Variants in LYST observed in about 807,000 individuals in gnomAD.
LYST encodes lysosomal trafficking regulator, also known as lysosomal-trafficking regulator.
Under a neutral mutation model 413.6 loss-of-function variants are expected in LYST, and 192 were observed. That is an observed-to-expected ratio of 0.46 (90% confidence interval 0.41 to 0.52). LYST has a LOEUF of 0.52. Ranked by LOEUF, LYST falls within the 20% of genes least tolerant of loss-of-function variation. The pLI is 0.00. For missense variants in LYST, 3,815 were observed against 4,499.9 expected, an observed-to-expected ratio of 0.85 and a Z score of 4.35; for synonymous variants, 1,525 against 1,567.3, an observed-to-expected ratio of 0.97 and a Z score of 0.64.
chr1:235,668,398 A>G (rs141437139), intron 50 of LYST, among the ~76,000 whole-genome samples: 55 of 152,270 alleles, frequency 3.6e-4, no homozygotes, highest in African/African-American at 1.3e-3. Flanking sequence ...TATGTTCCCT[A>G]TATACCAAGT....
At chr1:235,873,225 A>AAAG (rs1681013155) in intron 1 of LYST, among the ~76,000 whole-genome samples, 1 of 152,194 alleles carries the variant, frequency 6.6e-6, no homozygotes. Context: ...CAACCAACTA[A>AAAG]AAGTGTTAAA....
At position 235,762,757 on chromosome 1, in the gene LYST, T is replaced by C. The variant is rs371248013; in HGVS notation, c.6216A>G (p.Val2072=). The change falls in exon 22 of 53, where the codon GTA becomes GTG. Residue 2072 remains valine (V), a synonymous_variant. Transcript: ENST00000389793. The stretch of plus-strand genomic sequence containing the variant: ...AAGCAGTAAAACCAGATGGGCTTAT[T>C]ACCATAAATCCAGGGCTCATAAGGG... ...GRSLMSPGFM[V]ISPSGFTASP... is the part of the protein sequence containing the mutation. 1,513 of 1,613,332 alleles carry C rather than the reference T, an allele frequency of 9.4e-4. 17 individuals are homozygous for C. The South Asian group carries it at 0.016, about 17-fold the overall frequency.
chr1:235,751,973 C>A (rs1486387687), intron 27 of LYST, 32 bp downstream of exon 27: 1 of 1,515,016 alleles, frequency 6.6e-7, no homozygotes, highest in Non-Finnish European at 9.1e-7. Context: ...TTATACAACT[C>A]CCTCCCCAAA....
rs1558261064 is a variant in LYST, at chr1:235,798,576, C to CTTAAAAAAAAAAAAAAAAAAA, written c.4006+1743_4006+1744insTTTTTTTTTTTTTTTTTTTAA. The stretch of plus-strand genomic sequence containing the variant: ...CTTGGCGACAAGGGCAAAACCCTGT[C>CTTAAAAAAAAAAAAAAAAAAA]ATAAAAAAAAAAAAAAAAAAAAAAA... On this transcript the variant is annotated intron_variant, in intron 10 of 52. Transcript: ENST00000389793. 2.4e-4 allele frequency among the ~76,000 whole-genome samples: 6 copies of CTTAAAAAAAAAAAAAAAAAAA among 24,528 alleles called. 1 individual carries two copies. The highest frequency in any genetic ancestry group is 8.2e-4 in the African/African-American group (6 of 7,312). The allele number at this position is 24,528 out of a possible 152,430, so 16.1% of individuals were successfully genotyped here. A position where few individuals can be genotyped will look rare whatever the true frequency, so the allele number is the denominator to read the frequency against.
chr1:235,755,761 C>T (rs1273852113), intron 24 of LYST, 114 bp from the exon 25 acceptor site: 1 of 623,050 alleles, frequency 1.6e-6, no homozygotes, highest in Admixed American at 3.0e-5. Context: ...CAGAAGAACA[C>T]AGAAAGCTTA....
At chr1:235,805,347 G>A (rs1457890912) in intron 6 of LYST, among the ~76,000 whole-genome samples, 1 of 152,090 alleles carries the variant, frequency 6.6e-6, no homozygotes, top group African/African-American at 2.4e-5. Context: ...CATTAGCTAT[G>A]AGCATCCTTC....
intron 50 of LYST, among the ~76,000 whole-genome samples, chr1:235,665,420 G>C (rs6691027): frequency 0.055 from 8,316 of 151,870 alleles, 783 homozygotes; most frequent in African/African-American, 0.19. Context: ...GACCAGCCTA[G>C]TTAACATGGT....
At chr1:235,712,771 T>C in intron 42 of LYST, 1 of 985,272 alleles carries the variant, frequency 1.0e-6, no homozygotes. Context: ...AAATTTCCTG[T>C]GAATGAAAAT....
chr1:235,757,128 T>A (rs1201483202), intron 24 of LYST, among the ~76,000 whole-genome samples, 153 bp downstream of exon 24: 1 of 152,074 alleles, frequency 6.6e-6, no homozygotes, highest in Non-Finnish European at 1.5e-5. Context: ...AGTTTAAAAA[T>A]ATATGAGTAT....
At position 235,762,797 on chromosome 1, in the gene LYST, C is replaced by A. The variant is rs549373796; in HGVS notation, c.6176G>T (p.Ser2059Ile). ...GCTCATAAGGGACCTTCCTCCACTG[C>A]TGGAATGCCTCAGGTACATGATTGA... ...VRSIMYLRHSSSGGRSLMSPG... is the reference protein window; with the variant it reads ...VRSIMYLRHSISGGRSLMSPG... Residue 2059 changes from serine to isoleucine, a missense_variant, in exon 22 of 53, where the codon AGC becomes ATC. By Grantham distance (142) the Ser-to-Ile change is moderately radical. Around this residue, in one of 4 missense-constraint regions of LYST, gnomAD observed 530 missense variants for 696.5 expected, o/e 0.76. Coordinates refer to ENST00000389793, the MANE Select transcript of LYST (RefSeq NM_000081.4). 1 of 1,613,172 alleles carries A rather than the reference C, an allele frequency of 6.2e-7. No individual in the cohort carries two copies. The highest frequency in any genetic ancestry group is 1.1e-5 in the South Asian group (1 of 91,070).
rs558235186 is a variant in LYST, at chr1:235,686,260, G to A, written c.10800+689C>T. Among the ~76,000 whole-genome samples the A allele has an allele frequency of 6.6e-5, 10 of 152,092 alleles. No individual in the cohort carries two copies. Among genetic ancestry groups the A allele is most frequent in the South Asian group, 4.2e-4 (2 of 4,812 alleles). ...CACATGCCTGTGGTCCCAGCTACTC[G>A]AGAGGCTGAGGCACGAGAATTGATT... On this transcript the variant is annotated intron_variant, in intron 48 of 52. Transcript: ENST00000389793. The surrounding 1 kb of genome is among the most constrained non-coding windows in gnomAD (Gnocchi z 4.0).
chr1:235,816,470 T>TAAAAAAAAAAAAAAAAAAAAAA (rs199654567), intron 3 of LYST, among the ~76,000 whole-genome samples: 1 of 138,426 alleles, frequency 7.2e-6, no homozygotes, highest in African/African-American at 2.7e-5. Context: ...AAAATAAAAA[T>TAAAAAAAAAAAAAAAAAAAAAA]AAAAAAAAAA....
chr1:235,777,317 C>G lies in LYST; in HGVS notation c.5215-9G>C. 1.2e-6 allele frequency: 2 copies of G among 1,609,912 alleles called. No individual in the cohort carries two copies. The highest frequency in any genetic ancestry group is 1.7e-6 in the Non-Finnish European group (2 of 1,176,984). ...ACAACTGAAAGACTTTCCTGAAATA[C>G]AAATATTTTCATTCAGTAATGACAA... On this transcript the variant is annotated splice_polypyrimidine_tract_variant and intron_variant, in intron 16 of 52. Transcript: ENST00000389793.
rs80338658 is a variant in LYST, at chr1:235,781,018, A to G, written c.5061T>C (p.Tyr1687=). The change falls in exon 16 of 53, where the codon TAT becomes TAC. Residue 1687 remains tyrosine (Y), a synonymous_variant. Transcript: ENST00000389793. Reference sequence around the variant, plus strand: ...CAGATGTATGGTTGGGTCCACAAGCATACAGATAAAAGGCCTCTTGTGAAC... The same window carrying G: ...CAGATGTATGGTTGGGTCCACAAGCGTACAGATAAAAGGCCTCTTGTGAAC... The part of the protein sequence containing the change: ...KVGSQEAFYL[Y]ACGPNHTSVM... 3.0e-5 allele frequency: 49 copies of G among 1,612,500 alleles called. No homozygotes were observed. The highest frequency in any genetic ancestry group is 3.3e-5 in the Non-Finnish European group (39 of 1,179,102).
intron 19 of LYST, among the ~76,000 whole-genome samples, chr1:235,771,194 G>C (rs575555630): frequency 1.3e-5 from 2 of 152,018 alleles, no homozygotes; most frequent in Non-Finnish European, 2.9e-5. Context: ...GGCAGCCAAA[G>C]TATGAAAACA....
chr1:235,821,386 G>C (rs1674735495), intron 3 of LYST, among the ~76,000 whole-genome samples: 1 of 152,196 alleles, frequency 6.6e-6, no homozygotes, highest in South Asian at 2.1e-4. Flanking sequence ...GCAGAGGGCT[G>C]AGATTGTGCC....
At chr1:235,734,879 T>C (rs1009890018) in intron 31 of LYST, 5 of 381,524 alleles carry the variant, frequency 1.3e-5, no homozygotes, top group Non-Finnish European at 2.3e-5. Flanking sequence ...GTAATAATGT[T>C]ATGTTACATA....
chr1:235,857,742 TACACACACACAC>T (rs56208034), intron 1 of LYST, among the ~76,000 whole-genome samples: 83 of 129,344 alleles, frequency 6.4e-4, no homozygotes, highest in African/African-American at 7.2e-4. Context: ...CATATGTAAA[TACACACACACAC>T]ACACACACAC....
rs537622904 is a variant in LYST, at chr1:235,761,607, C to G, written c.6253+1113G>C. Among the ~76,000 whole-genome samples the G allele has an allele frequency of 3.9e-5, 6 of 152,184 alleles. No individual in the cohort carries two copies. In the East Asian group the frequency reaches 1.2e-3, roughly 29 times the overall value. On this transcript the variant is annotated intron_variant, in intron 22 of 52. Coordinates refer to ENST00000389793, the MANE Select transcript of LYST (RefSeq NM_000081.4). ...TTTCAGCAGTATGACAATGGTTAGA[C>G]TGAGGCGAGGTTAGCATTTTTCAGT...
Sources: gnomAD v4.1 joint callset for allele counts (sites outside exome capture counted in the v4.1 genomes callset) on GRCh38, gnomAD v4.1.1 for gene constraint, gnomAD v4.1.1 regional missense constraint, Gnocchi (gnomAD v3.1) non-coding constraint, MANE v1.5 for transcripts, NCBI Gene and HGNC (gene_info 2026-07-23, HGNC 2026-07-21) for gene names.